NUP54: variants seen among roughly 807,000 people sequenced by gnomAD.
The protein encoded by NUP54 is nucleoporin 54.
A neutral mutation model predicts 66.4 loss-of-function variants in NUP54; 27 were observed. The ratio of observed to expected loss-of-function variants is 0.41; its 90% CI spans 0.30 to 0.56. The LOEUF is 0.56. NUP54 is among the 20% of genes least tolerant of loss of function. The pLI, the probability that NUP54 is intolerant of heterozygous loss-of-function variation, is 0.34. For missense variants in NUP54, 486 were observed against 596.3 expected (o/e 0.82, Z 1.93); for synonymous variants, 206 against 210.7 (o/e 0.98, Z 0.19).
Position 76,131,434 on chromosome 4 carries a change from T to A in NUP54, c.908-150A>T, listed in dbSNP as rs1730796899. 3 of 511,984 alleles carry A rather than the reference T, an allele frequency of 5.9e-6. No individual in the cohort carries two copies. In the African/African-American group the frequency reaches 6.0e-5, roughly 10 times the overall value. 31.7% of individuals were successfully genotyped at this position (511,984 alleles called of 1,614,324 possible). ...TAATCATGGTAAAAATACAAATTTT[T>A]GCAGAATAAATAAAGTTCAAAAAAA... On this transcript the variant is annotated intron_variant, in intron 6 of 11. Transcript: ENST00000264883.
rs1466462347 is a variant in NUP54 at position 76,137,593 on chromosome 4, T to G, written c.296-1181A>C. Among the ~76,000 whole-genome samples the G allele has an allele frequency of 2.6e-5, 4 of 152,158 alleles. No individual in the cohort carries two copies. In the East Asian group the frequency reaches 7.7e-4, roughly 29 times the overall value. ...ATAGTAATAACAAATGGATTAACCA[T>G]CAGTATTCTAGGCTAAAACTTTAGA... On this transcript the variant is annotated intron_variant, in intron 3 of 11. Transcript: ENST00000264883.
At chr4:76,132,813 A>C in intron 5 of NUP54, 94 bp from the exon 6 acceptor site, 1 of 933,838 alleles carries the variant, frequency 1.1e-6, no homozygotes, top group Non-Finnish European at 1.6e-6. Context: ...AGAAGGGTTT[A>C]AGTTGAATTC....
chr4:76,136,330 A>T lies in NUP54; in HGVS notation c.378T>A (p.Ala126=). The change falls in exon 4 of 12, where the codon GCT becomes GCA. Residue 126 remains alanine, a synonymous_variant. Transcript: ENST00000264883. The part of the protein sequence containing the change: ...QLINTASALS[A]PTLLGDERDA... Reference sequence around the variant, plus strand: ...CTCTCTCATCTCCCAACAGCGTTGGAGCAGAAAGAGCACTCGCAGTATTTA... The same window carrying T: ...CTCTCTCATCTCCCAACAGCGTTGGTGCAGAAAGAGCACTCGCAGTATTTA... 2 of 1,614,104 alleles carry T rather than the reference A, an allele frequency of 1.2e-6. No individual in the cohort carries two copies. The highest frequency in any genetic ancestry group is 1.7e-6 in the Non-Finnish European group (2 of 1,180,002).
chr4:76,131,132 T>A lies in NUP54; in HGVS notation c.962+98A>T, dbSNP rs1318679187. 4.9e-5 allele frequency: 38 copies of A among 782,792 alleles called. No individual in the cohort carries two copies. In the African/African-American group the frequency reaches 5.7e-4, roughly 12 times the overall value. 48.5% of individuals were successfully genotyped at this position (782,792 alleles called of 1,614,324 possible). On this transcript the variant is annotated intron_variant, in intron 7 of 11. Transcript: ENST00000264883. ...AAAGGCCAGGAAAATGAAAATAAACTTGTCTCATATGTAAGAATTATAATT... is the reference window on the plus strand; with the variant it reads ...AAAGGCCAGGAAAATGAAAATAAACATGTCTCATATGTAAGAATTATAATT...
intron 9 of NUP54, among the ~76,000 whole-genome samples, chr4:76,123,441 T>C (rs1730319005): frequency 6.6e-6 from 1 of 152,202 alleles, no homozygotes; most frequent in African/African-American, 2.4e-5. Context: ...TTCATTTTCA[T>C]AGAAAAATCA....
chr4:76,139,378 A>G (rs1731168986), intron 3 of NUP54, among the ~76,000 whole-genome samples: 1 of 152,212 alleles, frequency 6.6e-6, no homozygotes, highest in Non-Finnish European at 1.5e-5. Context: ...CCAAAAAAGC[A>G]AACGTCAAGT....
chr4:76,132,447 A>G (rs1185851921), intron 6 of NUP54, 76 bp downstream of exon 6: 3 of 1,134,678 alleles, frequency 2.6e-6, no homozygotes, highest in Non-Finnish European at 2.4e-6. Context: ...ATAACCAACC[A>G]ACACCTCTGA....
chr4:76,136,424 C>T lies in NUP54; in HGVS notation c.296-12G>A, dbSNP rs1390677582. The T allele has an allele frequency of 6.3e-7, 1 of 1,596,316 alleles. No homozygotes were observed. The highest frequency in any genetic ancestry group is 8.6e-7 in the Non-Finnish European group (1 of 1,168,018). On this transcript the variant is annotated splice_polypyrimidine_tract_variant and intron_variant, in intron 3 of 11. Coordinates refer to ENST00000264883, the MANE Select transcript of NUP54 (RefSeq NM_017426.4). ...GAGACCACCTAATGCTAAAAATGTA[C>T]CCAAAATTAGTATTTAAAAACAAAA... is the stretch of plus-strand genomic sequence containing the variant.
At chr4:76,118,259 G>C in intron 9 of NUP54, 65 bp from the exon 10 acceptor site, 4 of 1,393,100 alleles carry the variant, frequency 2.9e-6, no homozygotes, top group Non-Finnish European at 4.0e-6. Context: ...AGTAGTAGTA[G>C]TACAATTAGT....
intron 11 of NUP54, among the ~76,000 whole-genome samples, chr4:76,117,237 G>A (rs1333947927): frequency 6.6e-6 from 1 of 152,096 alleles, no homozygotes; most frequent in Non-Finnish European, 1.5e-5. Flanking sequence ...TTGCATTGTA[G>A]CATGTGTCAG....
intron 3 of NUP54, among the ~76,000 whole-genome samples, chr4:76,138,654 G>T (rs9917853): frequency 0.13 from 20,024 of 152,180 alleles, 1,546 homozygotes; most frequent in East Asian, 0.35. Context: ...TAAGGGAGCT[G>T]ATCAAGCCTG....
chr4:76,136,538 AAATATGTTAT>A (rs1340324555), intron 3 of NUP54, 126 bp from the exon 4 acceptor site: 3 of 652,362 alleles, frequency 4.6e-6, no homozygotes, highest in Non-Finnish European at 7.9e-6. Context: ...CAGAACCTAT[AAATATGTTAT>A]CTTACATAGC....
At chr4:76,123,840 G>T (rs1250937166) in intron 9 of NUP54, among the ~76,000 whole-genome samples, 2 of 152,006 alleles carry the variant, frequency 1.3e-5, no homozygotes, top group Non-Finnish European at 2.9e-5. Context: ...ATTCTGTTTT[G>T]TATATCTACG....
chr4:76,127,203 C>T (rs913359773), intron 8 of NUP54, among the ~76,000 whole-genome samples: 4 of 151,996 alleles, frequency 2.6e-5, no homozygotes, highest in Non-Finnish European at 4.4e-5. Context: ...GAGGCCAAGA[C>T]GGGTGGATCA....
At position 76,114,973 on chromosome 4, in the gene NUP54, TTGTTC is replaced by T. The variant is rs1332830828; in HGVS notation, c.*388_*392del. 6.5e-6 allele frequency: 1 copy of T among 153,602 alleles called. No homozygotes were observed. The highest frequency in any genetic ancestry group is 1.4e-5 in the Non-Finnish European group (1 of 69,080). The allele number at this position is 153,602 out of a possible 1,614,324, so 9.5% of individuals were successfully genotyped here. A position where few individuals can be genotyped will look rare whatever the true frequency, so the allele number is the denominator to read the frequency against. On this transcript the variant is annotated 3_prime_UTR_variant, in exon 12 of 12. Coordinates refer to ENST00000264883, the MANE Select transcript of NUP54 (RefSeq NM_017426.4). Reference sequence around the variant, plus strand: ...TCTCCAACAGCCAAGTAATTATAGTTTGTTCTGTTATGTGCAAAGTAGATTATTTC... The same window carrying T: ...TCTCCAACAGCCAAGTAATTATAGTTTGTTATGTGCAAAGTAGATTATTTC...
At chr4:76,136,068 A>G (rs1022969060) in intron 4 of NUP54, 118 bp downstream of exon 4, 17 of 705,750 alleles carry the variant, frequency 2.4e-5, no homozygotes, top group Non-Finnish European at 3.8e-5. Context: ...AAATAAAAGT[A>G]TAATCATACC....
At chr4:76,136,014 C>T (rs1731023357) in intron 4 of NUP54, among the ~76,000 whole-genome samples, 172 bp downstream of exon 4, 1 of 152,288 alleles carries the variant, frequency 6.6e-6, no homozygotes, top group Middle Eastern at 3.4e-3. Context: ...TTCAACCACA[C>T]ATATGTATGA....
At chr4:76,130,124 G>A (rs2109880658) in intron 8 of NUP54, among the ~76,000 whole-genome samples, 1 of 151,196 alleles carries the variant, frequency 6.6e-6, no homozygotes, top group East Asian at 2.0e-4. Flanking sequence ...GGCATTACAG[G>A]CGTGCACCAC....
At chr4:76,129,966 G>GTTTTTTTTTTT (rs775109047) in intron 8 of NUP54, among the ~76,000 whole-genome samples, 6 of 56,824 alleles carry the variant, frequency 1.1e-4, no homozygotes, top group Admixed American at 3.3e-4. Flanking sequence ...AATTATGAAA[G>GTTTTTTTTTTT]TTTTTTTTTT....
Sources: allele counts gnomAD v4.1 joint callset (sites outside exome capture counted in the v4.1 genomes callset), GRCh38; gene constraint gnomAD v4.1.1; transcripts MANE v1.5; gene names NCBI Gene and HGNC (gene_info 2026-07-23, HGNC 2026-07-21).